Variants in BTF3 observed in about 807,000 individuals in gnomAD.
BTF3 encodes transcription factor BTF3.
A neutral mutation model predicts 23.9 loss-of-function variants in BTF3; 12 were observed. The ratio of observed to expected loss-of-function variants is 0.50; its 90% CI spans 0.32 to 0.81. The LOEUF is 0.81. Ranked by LOEUF, BTF3 falls within the 40% of genes least tolerant of loss-of-function variation. BTF3 has a pLI of 0.03. For synonymous variants in BTF3, 96 were observed against 94.8 expected, an observed-to-expected ratio of 1.01 and a Z score of -0.07; for missense variants, 215 against 255.9, an observed-to-expected ratio of 0.84 and a Z score of 1.09.
At chr5:73,503,552 A>T (rs1208043195) in intron 4 of BTF3, among the ~76,000 whole-genome samples, 1 of 152,130 alleles carries the variant, frequency 6.6e-6, no homozygotes, top group Non-Finnish European at 1.5e-5. Flanking sequence ...TGTGATAGGG[A>T]TTTTATTCGG....
chr5:73,504,076 C>T (rs1223012637), intron 4 of BTF3, among the ~76,000 whole-genome samples: 1 of 152,112 alleles, frequency 6.6e-6, no homozygotes, highest in Non-Finnish European at 1.5e-5. Flanking sequence ...TGCCCTTATA[C>T]TACCTCAGGG....
At position 73,503,130 on chromosome 5, in the gene BTF3, G is replaced by A. The variant is rs1561254861; in HGVS notation, c.517+13G>A. The A allele has an allele frequency of 8.1e-6, 13 of 1,610,782 alleles. No homozygotes were observed. The highest frequency in any genetic ancestry group is 1.1e-5 in the Non-Finnish European group (13 of 1,177,730). The stretch of plus-strand genomic sequence containing the variant: ...CTGCCCAAACAATGTGAGTTTCCTA[G>A]TAATGGTTTTACCAGGGAATTACTC... On this transcript the variant is annotated intron_variant, in intron 4 of 5. Transcript: ENST00000380591.
intron 3 of BTF3, 116 bp from the exon 4 acceptor site, chr5:73,502,800 A>G (rs748535126): frequency 9.3e-5 from 103 of 1,107,496 alleles, no homozygotes; most frequent in Non-Finnish European, 1.2e-4. Context: ...ATTCCAGGCA[A>G]AATTTCACCT....
chr5:73,505,284 C>T lies in BTF3; in HGVS notation c.*46C>T. ...TAAAACCTGAAGAAGTTACTGGGAG[C>T]TGCTATTTTATATTATGACTGCTTT... is the stretch of plus-strand genomic sequence containing the variant. On this transcript the variant is annotated 3_prime_UTR_variant, in exon 6 of 6. Transcript: ENST00000380591. The T allele has an allele frequency of 6.4e-7, 1 of 1,551,544 alleles. No homozygotes were observed. Among genetic ancestry groups the T allele is most frequent in the Non-Finnish European group, 8.8e-7 (1 of 1,137,168 alleles).
chr5:73,500,959 T>G (rs1437852917), intron 2 of BTF3, among the ~76,000 whole-genome samples: 1 of 152,006 alleles, frequency 6.6e-6, no homozygotes, highest in Non-Finnish European at 1.5e-5. Flanking sequence ...CCATAGATAT[T>G]TTCTTCAGTT....
intron 4 of BTF3, among the ~76,000 whole-genome samples, chr5:73,503,787 A>G (rs1746492996): frequency 6.6e-6 from 1 of 152,208 alleles, no homozygotes; most frequent in Non-Finnish European, 1.5e-5. Context: ...TTCAGAGCTG[A>G]AATAGGCTTT....
chr5:73,504,514 G>GTCC, intron 5 of BTF3, 111 bp downstream of exon 5: 4 of 733,602 alleles, frequency 5.5e-6, no homozygotes, highest in Non-Finnish European at 8.9e-6. Context: ...GATGGACATA[G>GTCC]ATCTTACTTA....
chr5:73,499,393 C>G (rs1430920892), intron 2 of BTF3, 191 bp downstream of exon 2: 5 of 695,968 alleles, frequency 7.2e-6, no homozygotes, highest in South Asian at 6.0e-5. Flanking sequence ...GAGCTAAAAA[C>G]ATCGCCTTTG....
At chr5:73,503,228 T>C in intron 4 of BTF3, 111 bp downstream of exon 4, 1 of 1,111,404 alleles carries the variant, frequency 9.0e-7, no homozygotes, top group Non-Finnish European at 1.3e-6. Context: ...ATGCAAGCTT[T>C]AAAAATAACA....
At chr5:73,500,600 T>G (rs1746412646) in intron 2 of BTF3, among the ~76,000 whole-genome samples, 1 of 152,258 alleles carries the variant, frequency 6.6e-6, no homozygotes, top group Admixed American at 6.5e-5. Flanking sequence ...CTACACTGTT[T>G]AAGAAACGTA....
Position 73,505,253 on chromosome 5 carries a change from T to G in BTF3, c.*15T>G. ...AGGCAAACTGAATTGAGTCAACTTC[T>G]GAAGATAAAACCTGAAGAAGTTACT... On this transcript the variant is annotated 3_prime_UTR_variant, in exon 6 of 6. Transcript: ENST00000380591. 1.2e-6 allele frequency: 2 copies of G among 1,607,122 alleles called. No individual in the cohort carries two copies. Among genetic ancestry groups the G allele is most frequent in the African/African-American group, 1.3e-5 (1 of 74,832 alleles).
At chr5:73,502,419 A>C (rs755258159) in intron 2 of BTF3, 69 bp from the exon 3 acceptor site, 1 of 1,096,466 alleles carries the variant, frequency 9.1e-7, no homozygotes, top group Non-Finnish European at 1.3e-6. Flanking sequence ...ATTGGAAACT[A>C]TTCCCATTTG....
chr5:73,503,225 C>G, intron 4 of BTF3, 108 bp downstream of exon 4: 1 of 1,158,308 alleles, frequency 8.6e-7, no homozygotes, highest in Non-Finnish European at 1.2e-6. Context: ...GAAATGCAAG[C>G]TTTAAAAATA....
chr5:73,499,335 A>G (rs565095680), intron 2 of BTF3, 133 bp downstream of exon 2: 235 of 958,142 alleles, frequency 2.5e-4, no homozygotes, highest in South Asian at 5.7e-4. Context: ...GGAGCTAGCA[A>G]ATCTCGAGGA....
rs180893672 is a variant in BTF3, at chr5:73,501,679, G to C, written c.202-809G>C. ...GCCAAGGTTTATTGGCTAAAGAAGA[G>C]GGATGGTAGCAGATGCAGTCAGGAG... On this transcript the variant is annotated intron_variant, in intron 2 of 5. Coordinates refer to ENST00000380591, the MANE Select transcript of BTF3 (RefSeq NM_001037637.2). Among the ~76,000 whole-genome samples the C allele has an allele frequency of 7.0e-3, 1,064 of 152,252 alleles. 5 individuals are homozygous for C. The highest frequency in any genetic ancestry group is 0.012 in the Non-Finnish European group (843 of 68,036).
rs1043251154 is a variant in BTF3 at position 73,498,472 on chromosome 5, G to T, written c.-196G>T. 2 of 655,700 alleles carry T rather than the reference G, an allele frequency of 3.1e-6. No homozygotes were observed. The highest frequency in any genetic ancestry group is 3.4e-5 in the South Asian group (1 of 29,312). 40.6% of individuals were successfully genotyped at this position (655,700 alleles called of 1,614,324 possible). Reference sequence around the variant, plus strand: ...TAGCTGCCATCTTGCGTCCCCGCGTGTGTGCGCCTAATCTCAGGTGGTCCA... The same window carrying T: ...TAGCTGCCATCTTGCGTCCCCGCGTTTGTGCGCCTAATCTCAGGTGGTCCA... On this transcript the variant is annotated 5_prime_UTR_variant, in exon 1 of 6. Transcript: ENST00000380591.
At position 73,498,751 on chromosome 5, in the gene BTF3, G is replaced by A; in HGVS notation, c.84G>A (p.Thr28=). Residue 28 remains threonine, a synonymous_variant, in exon 1 of 6, where the codon ACG becomes ACA. Coordinates refer to ENST00000380591, the MANE Select transcript of BTF3 (RefSeq NM_001037637.2). ...GCGGCTGCCCTGGGGGCGAGGCGACGCTGTCTCAACCTCCACCTCGCGGCG... is the reference window on the plus strand; with the variant it reads ...GCGGCTGCCCTGGGGGCGAGGCGACACTGTCTCAACCTCCACCTCGCGGCG... ...ARGGCPGGEA[T]LSQPPPRGGT... 3 of 1,495,032 alleles carry A rather than the reference G, an allele frequency of 2.0e-6. 1 individual carries two copies. In the South Asian group the frequency reaches 3.8e-5, roughly 19 times the overall value. 92.6% of individuals were successfully genotyped at this position (1,495,032 alleles called of 1,614,324 possible).
rs1438877278 is a variant in BTF3 at position 73,502,897 on chromosome 5, A to G, written c.316-19A>G. ...AGACTGGTCAGCATTGCTAATTTAA[A>G]TTTTTCTTTTCTTAATAGGTGAATA... On this transcript the variant is annotated intron_variant, in intron 3 of 5. Transcript: ENST00000380591. 1.9e-6 allele frequency: 3 copies of G among 1,607,530 alleles called. No individual in the cohort carries two copies. Among genetic ancestry groups the G allele is most frequent in the African/African-American group, 1.3e-5 (1 of 74,806 alleles).
rs1412958307 is a variant in BTF3, at chr5:73,498,521, C to T, written c.-147C>T. 3 of 1,249,562 alleles carry T rather than the reference C, an allele frequency of 2.4e-6. No homozygotes were observed. Among genetic ancestry groups the T allele is most frequent in the Non-Finnish European group, 3.1e-6 (3 of 957,524 alleles). 77.4% of individuals were successfully genotyped at this position (1,249,562 alleles called of 1,614,324 possible). On this transcript the variant is annotated 5_prime_UTR_variant, in exon 1 of 6. Transcript: ENST00000380591. Reference sequence around the variant, plus strand: ...CACCCGAGACCCCTTGAGCACCAACCCTAGTCCCCCGCGCGGCCCCTTATT... The same window carrying T: ...CACCCGAGACCCCTTGAGCACCAACTCTAGTCCCCCGCGCGGCCCCTTATT...
Sources: gnomAD v4.1 joint callset for allele counts (sites outside exome capture counted in the v4.1 genomes callset) on GRCh38, gnomAD v4.1.1 for gene constraint, MANE v1.5 for transcripts, NCBI Gene and HGNC (gene_info 2026-07-23, HGNC 2026-07-21) for gene names.